Variants in ARHGEF12 observed in about 807,000 individuals in gnomAD.
The protein encoded by ARHGEF12 is KMT2A/ARHGEF12 fusion protein.
ARHGEF12 carries 66 observed loss-of-function variants against 211.2 expected under a neutral mutation model. The ratio of observed to expected loss-of-function variants is 0.31; its 90% confidence interval spans 0.26 to 0.38. ARHGEF12 has a LOEUF of 0.38. Ranked by LOEUF, ARHGEF12 falls within the 10% of genes least tolerant of loss-of-function variation. The probability of loss-of-function intolerance (pLI) is 1.00; values close to 1 mark genes in which losing one functional copy is unlikely to be tolerated. For missense variants in ARHGEF12, 1,429 were observed against 1,869.5 expected (o/e 0.76, Z 4.34); for synonymous variants, 592 against 638.4 (o/e 0.93, Z 1.09).
intron 7 of ARHGEF12, among the ~76,000 whole-genome samples, chr11:120,427,487 G>T (rs1300127346): frequency 6.6e-6 from 1 of 151,770 alleles, no homozygotes; most frequent in Admixed American, 6.6e-5. Flanking sequence ...TGGATCGCTT[G>T]AGCTCAGGAG....
At chr11:120,477,648 T>C (rs947408509) in intron 36 of ARHGEF12, 122 bp downstream of exon 36, 7 of 860,384 alleles carry the variant, frequency 8.1e-6, no homozygotes, top group Non-Finnish European at 8.9e-6. Context: ...GCGTATCACC[T>C]GAGGCCAGGA....
In ARHGEF12 at chr11:120,481,565, G is replaced by C; in HGVS notation, c.4543G>C (p.Glu1515Gln). The C allele has an allele frequency of 6.2e-7, 1 of 1,613,842 alleles. No homozygotes were observed. Among genetic ancestry groups the C allele is most frequent in the Non-Finnish European group, 8.5e-7 (1 of 1,179,836 alleles). ...EYIHKIEADL[E>Q]HLKKVEESYT... ...CATTCATAAGATAGAGGCTGACCTT[G>C]AACACTTAAAGGTACCTCATACTTC... The change falls in exon 39 of 41, where the codon GAA becomes CAA. Residue 1515 changes from glutamate (E) to glutamine (Q), a missense_variant. By Grantham distance (29) the Glu-to-Gln change is conservative. Around this residue, in one of 7 missense-constraint regions of ARHGEF12, gnomAD observed 467 missense variants for 468.4 expected, o/e 1.00. Transcript: ENST00000397843.
intron 11 of ARHGEF12, among the ~76,000 whole-genome samples, chr11:120,432,580 G>C (rs1388231152): frequency 9.9e-5 from 15 of 152,188 alleles, no homozygotes; most frequent in Admixed American, 9.8e-4. Context: ...TAAAAGTGAT[G>C]AGGGAAGAAG....
At chr11:120,480,533 G>A in intron 38 of ARHGEF12, 103 bp downstream of exon 38, 3 of 1,135,486 alleles carry the variant, frequency 2.6e-6, no homozygotes, top group Middle Eastern at 3.0e-4. Flanking sequence ...GTGTGTGTGT[G>A]TGTGTGTTCA....
At chr11:120,368,220 C>CATG (rs1943484542) in intron 1 of ARHGEF12, among the ~76,000 whole-genome samples, 1 of 152,134 alleles carries the variant, frequency 6.6e-6, no homozygotes, top group African/African-American at 2.4e-5. Flanking sequence ...TAGCTATCTC[C>CATG]ATGATAACAA....
intron 21 of ARHGEF12, chr11:120,451,182 T>A (rs1946201183): frequency 5.4e-6 from 1 of 185,012 alleles, no homozygotes; most frequent in East Asian, 1.4e-4. Flanking sequence ...TTATTTATTT[T>A]ATTTATTTAT....
chr11:120,345,720 A>AC (rs1284046600), intron 1 of ARHGEF12, among the ~76,000 whole-genome samples: 2 of 151,326 alleles, frequency 1.3e-5, no homozygotes, highest in Non-Finnish European at 2.9e-5. Flanking sequence ...AAAAAAAAAA[A>AC]ACGAAATGGC....
intron 11 of ARHGEF12, among the ~76,000 whole-genome samples, chr11:120,432,598 G>A (rs939821222): frequency 1.3e-5 from 2 of 152,128 alleles, no homozygotes; most frequent in African/African-American, 4.8e-5. Context: ...AAGTCTGAAC[G>A]AATGTTTTGT....
intron 15 of ARHGEF12, 81 bp from the exon 16 acceptor site, chr11:120,445,341 C>A: frequency 7.3e-7 from 1 of 1,367,426 alleles, no homozygotes. Flanking sequence ...CAAGTTGTAT[C>A]CCCTTACTTT....
At chr11:120,391,747 C>T (rs1256411871) in intron 1 of ARHGEF12, among the ~76,000 whole-genome samples, 1 of 152,184 alleles carries the variant, frequency 6.6e-6, no homozygotes, top group African/African-American at 2.4e-5. Flanking sequence ...ATAGAAAGGA[C>T]AACTTAATAG....
chr11:120,374,811 A>G (rs1164080294), intron 1 of ARHGEF12, among the ~76,000 whole-genome samples: 2 of 152,164 alleles, frequency 1.3e-5, no homozygotes, highest in Non-Finnish European at 2.9e-5. Flanking sequence ...TGACTAATTC[A>G]TTACATTGAG....
chr11:120,409,460 T>G lies in ARHGEF12; in HGVS notation c.199+10T>G. ...AGATCCGAGATATATGGTAAGCTAA[T>G]GTAGCTAATTCAGCCTTGCCCTTTG... is the stretch of plus-strand genomic sequence containing the variant. On this transcript the variant is annotated intron_variant, in intron 4 of 40. Coordinates refer to ENST00000397843, the MANE Select transcript of ARHGEF12 (RefSeq NM_015313.3). The G allele has an allele frequency of 6.2e-7, 1 of 1,613,624 alleles. No homozygotes were observed. The highest frequency in any genetic ancestry group is 8.5e-7 in the Non-Finnish European group (1 of 1,179,692).
rs755765354 is a variant in ARHGEF12, at chr11:120,489,927, T to A, written c.*4850T>A. On this transcript the variant is annotated 3_prime_UTR_variant, in exon 41 of 41. Transcript: ENST00000397843. ...GGAATGGAGACAATAAAACTCTGTA[T>A]TTGCATGTGAGCAGTTACTTCTATT... 2.2e-5 allele frequency: 4 copies of A among 179,812 alleles called. No individual in the cohort carries two copies. The highest frequency in any genetic ancestry group is 3.6e-5 in the Non-Finnish European group (3 of 84,012). 11.1% of individuals were successfully genotyped at this position (179,812 alleles called of 1,614,324 possible).
chr11:120,439,703 T>G (rs183468744), intron 12 of ARHGEF12: 179 of 153,542 alleles, frequency 1.2e-3, no homozygotes, highest in Middle Eastern at 3.4e-3. Context: ...TCCTTTCTCC[T>G]ATTGTCTTCA....
Position 120,485,403 on chromosome 11 carries a change from G to GA in ARHGEF12, c.*330dup. ...ATTGTACTTAGATTTAAGAAAAAGA[G>GA]AAAATCAGATGTATTTATTTGACTT... On this transcript the variant is annotated 3_prime_UTR_variant, in exon 41 of 41. Coordinates refer to ENST00000397843, the MANE Select transcript of ARHGEF12 (RefSeq NM_015313.3). 1 of 281,404 alleles carries GA rather than the reference G, an allele frequency of 3.6e-6. No homozygotes were observed. Among genetic ancestry groups the GA allele is most frequent in the East Asian group, 5.1e-5 (1 of 19,634 alleles). The allele number at this position is 281,404 out of a possible 1,614,324, so 17.4% of individuals were successfully genotyped here. A position where few individuals can be genotyped will look rare whatever the true frequency, so the allele number is the denominator to read the frequency against.
intron 30 of ARHGEF12, 96 bp from the exon 31 acceptor site, chr11:120,472,954 C>G: frequency 8.1e-7 from 1 of 1,228,936 alleles, no homozygotes; most frequent in South Asian, 1.2e-5. Flanking sequence ...CACGCCTGGC[C>G]AAAATGGAGA....
At chr11:120,428,007 A>G (rs1945400805) in intron 7 of ARHGEF12, 62 bp from the exon 8 acceptor site, 1 of 1,403,710 alleles carries the variant, frequency 7.1e-7, no homozygotes, top group Non-Finnish European at 9.5e-7. Flanking sequence ...AAAATGGTAT[A>G]AAAAGTTTCT....
At chr11:120,356,021 T>G (rs1365433042) in intron 1 of ARHGEF12, among the ~76,000 whole-genome samples, 2 of 152,166 alleles carry the variant, frequency 1.3e-5, no homozygotes, top group Non-Finnish European at 2.9e-5. Flanking sequence ...AAGATCCAGC[T>G]TATTATGGAA....
intron 1 of ARHGEF12, among the ~76,000 whole-genome samples, chr11:120,340,330 C>T (rs948339687): frequency 6.6e-6 from 1 of 152,164 alleles, no homozygotes; most frequent in Non-Finnish European, 1.5e-5. Context: ...TTTTCAGGGA[C>T]AGTACAGGTA....
Sources: gnomAD v4.1 joint callset for allele counts (sites outside exome capture counted in the v4.1 genomes callset) on GRCh38, gnomAD v4.1.1 for gene constraint, gnomAD v4.1.1 regional missense constraint, MANE v1.5 for transcripts, NCBI Gene and HGNC (gene_info 2026-07-23, HGNC 2026-07-21) for gene names.